The following KIRREL3 variants were observed in gnomAD, a reference collection of about 807,000 sequenced individuals.
KIRREL3 encodes kin of IRRE-like protein 3.
KIRREL3 carries 36 observed loss-of-function variants against 89.7 expected under a neutral mutation model. The ratio of observed to expected loss-of-function variants is 0.40; its 90% confidence interval spans 0.31 to 0.53. The LOEUF (loss-of-function observed/expected upper bound fraction) is 0.53, where lower values mean the gene tolerates loss of function less well. KIRREL3 is among the 20% of genes least tolerant of loss of function. The probability of loss-of-function intolerance (pLI) is 0.49; values close to 1 mark genes in which losing one functional copy is unlikely to be tolerated. For synonymous variants in KIRREL3, 445 were observed against 441.4 expected, an observed-to-expected ratio of 1.01 and a Z score of -0.10; for missense variants, 864 against 1,056.6, an observed-to-expected ratio of 0.82 and a Z score of 2.53.
intron 4 of KIRREL3, among the ~76,000 whole-genome samples, chr11:126,483,122 C>T (rs1005305533): frequency 6.6e-6 from 1 of 152,176 alleles, no homozygotes; most frequent in South Asian, 2.1e-4. Context: ...GGGATCCTGC[C>T]CTATACTCAG....
Position 126,618,306 on chromosome 11 carries a change from C to T in KIRREL3, c.56-55394G>A, listed in dbSNP as rs552391764. Among the ~76,000 whole-genome samples, 5 of 152,344 alleles carry T rather than the reference C, an allele frequency of 3.3e-5. No individual in the cohort carries two copies. The South Asian group carries it at 1.0e-3, about 32-fold the overall frequency. On this transcript the variant is annotated intron_variant, in intron 1 of 16. Transcript: ENST00000525144. ...CATGATCCAAACCATATTAGTGAGC[C>T]AAACTCTACCTTTTAGCTCTGAGAT...
chr11:126,996,809 C>G lies in KIRREL3; in HGVS notation c.55+3646G>C, dbSNP rs1441361114. ...AGGTAAATGCAAGTTTTCACTTTTA[C>G]CCCAATACAGTACAGTGTGCATGCA... On this transcript the variant is annotated intron_variant, in intron 1 of 16. Transcript: ENST00000525144. This position sits in a 1 kb window ranked among gnomAD's most constrained non-coding sequence, Gnocchi z 4.7. Among the ~76,000 whole-genome samples the G allele has an allele frequency of 6.6e-6, 1 of 152,176 alleles. No homozygotes were observed. The highest frequency in any genetic ancestry group is 2.4e-5 in the African/African-American group (1 of 41,430).
rs998810802 is a variant in KIRREL3, at chr11:126,550,848, G to T, written c.133+11987C>A. Reference sequence around the variant, plus strand: ...GGTGGGAGCAGCGGACACCAGCTGGGTGTCCTCCAATTCAATTCTGACACT... The same window carrying T: ...GGTGGGAGCAGCGGACACCAGCTGGTTGTCCTCCAATTCAATTCTGACACT... On this transcript the variant is annotated intron_variant, in intron 2 of 16. Transcript: ENST00000525144. The surrounding 1 kb of genome is among the most constrained non-coding windows in gnomAD (Gnocchi z 4.9). 5.9e-5 allele frequency among the ~76,000 whole-genome samples: 9 copies of T among 152,230 alleles called. No individual in the cohort carries two copies. The highest frequency in any genetic ancestry group is 4.6e-4 in the Admixed American group (7 of 15,304).
intron 2 of KIRREL3, among the ~76,000 whole-genome samples, chr11:126,554,822 C>T (rs1043948832): frequency 1.3e-5 from 2 of 152,124 alleles, no homozygotes; most frequent in Non-Finnish European, 1.5e-5. Flanking sequence ...CTGCCACATC[C>T]CTATCCTGTG....
intron 1 of KIRREL3, among the ~76,000 whole-genome samples, chr11:126,733,551 T>A (rs931260536): frequency 6.6e-6 from 1 of 151,984 alleles, no homozygotes; most frequent in Non-Finnish European, 1.5e-5. Flanking sequence ...CCATTATACT[T>A]CCATAATCAT....
At chr11:126,853,994 C>T (rs1032115682) in intron 1 of KIRREL3, among the ~76,000 whole-genome samples, 3 of 152,108 alleles carry the variant, frequency 2.0e-5, no homozygotes, top group African/African-American at 7.2e-5. Flanking sequence ...TGAATCATCT[C>T]ATGGGAGTCT....
intron 1 of KIRREL3, among the ~76,000 whole-genome samples, chr11:126,616,314 T>G (rs1161304362): frequency 3.3e-5 from 5 of 152,124 alleles, no homozygotes; most frequent in Non-Finnish European, 7.4e-5. Context: ...TTCGTGGGAA[T>G]GGTGATTCCT....
intron 1 of KIRREL3, among the ~76,000 whole-genome samples, chr11:126,693,937 C>T (rs1946984454): frequency 6.6e-6 from 1 of 152,220 alleles, no homozygotes; most frequent in Admixed American, 6.5e-5. Context: ...CCTGTCTGCC[C>T]ACCTTGTCTT....
intron 1 of KIRREL3, among the ~76,000 whole-genome samples, chr11:126,691,437 G>C (rs1946875115): frequency 6.6e-6 from 1 of 152,138 alleles, no homozygotes; most frequent in Non-Finnish European, 1.5e-5. Context: ...CTATTTAATG[G>C]AATAATAAAC....
At chr11:126,545,350 CG>C (rs1188692175) in intron 2 of KIRREL3, among the ~76,000 whole-genome samples, 1 of 152,092 alleles carries the variant, frequency 6.6e-6, no homozygotes, top group Non-Finnish European at 1.5e-5. Context: ...CTATCTGGAT[CG>C]GGGAGACATG....
chr11:126,580,372 T>C (rs1167634634), intron 1 of KIRREL3, among the ~76,000 whole-genome samples: 1 of 152,088 alleles, frequency 6.6e-6, no homozygotes, highest in Non-Finnish European at 1.5e-5. Context: ...TGGACTATAC[T>C]GGGCCACCTA....
chr11:126,896,388 T>C lies in KIRREL3; in HGVS notation c.55+104067A>G, dbSNP rs1592304071. 6.6e-6 allele frequency among the ~76,000 whole-genome samples: 1 copy of C among 152,234 alleles called. No homozygotes were observed. Among genetic ancestry groups the C allele is most frequent in the South Asian group, 2.1e-4 (1 of 4,834 alleles). ...CTCTGACTCCTCTCCACATTTGACC[T>C]TGGTCTCTGAGATGCTCTTTGTGGC... On this transcript the variant is annotated intron_variant, in intron 1 of 16. Transcript: ENST00000525144. The surrounding 1 kb of genome is among the most constrained non-coding windows in gnomAD (Gnocchi z 4.1).
At position 126,437,098 on chromosome 11, in the gene KIRREL3, A is replaced by C; in HGVS notation, c.1354-89T>G. On this transcript the variant is annotated intron_variant, in intron 11 of 16. Coordinates refer to ENST00000525144, the MANE Select transcript of KIRREL3 (RefSeq NM_032531.4). ...GAGTCACAGTGCCACTGTCCTGCTC[A>C]TGTTCATGCTCACTGCCACACACTA... The C allele has an allele frequency of 3.2e-6, 4 of 1,231,100 alleles. No homozygotes were observed. In the South Asian group the frequency reaches 6.7e-5, roughly 21 times the overall value. The allele number at this position is 1,231,100 out of a possible 1,614,324, so 76.3% of individuals were successfully genotyped here.
rs148432809 is a variant in KIRREL3, at chr11:126,824,461, C to T, written c.55+175994G>A. ...AAACAACTCACCCAACGTCACACAT[C>T]TAGCTGTGGCTGAGACAGGTCTCAA... On this transcript the variant is annotated intron_variant, in intron 1 of 16. Transcript: ENST00000525144. Among the ~76,000 whole-genome samples the T allele has an allele frequency of 6.6e-5, 10 of 152,352 alleles. No individual in the cohort carries two copies. In the East Asian group the frequency reaches 1.9e-3, roughly 29 times the overall value.
In KIRREL3 at chr11:126,614,742, G is replaced by A. The variant is rs533542177; in HGVS notation, c.56-51830C>T. On this transcript the variant is annotated intron_variant, in intron 1 of 16. Transcript: ENST00000525144. This position sits in a 1 kb window ranked among gnomAD's most constrained non-coding sequence, Gnocchi z 4.6. ...GCCGCAATCACAGGATTGTGATTCT[G>A]TGCTGGGGTTCGAGGTGTCTCCGCT... Among the ~76,000 whole-genome samples the A allele has an allele frequency of 5.3e-5, 8 of 152,314 alleles. No homozygotes were observed. Among genetic ancestry groups the A allele is most frequent in the African/African-American group, 1.9e-4 (8 of 41,562 alleles).
At chr11:126,543,785 C>T (rs1256374715) in intron 2 of KIRREL3, among the ~76,000 whole-genome samples, 2 of 152,232 alleles carry the variant, frequency 1.3e-5, no homozygotes, top group Non-Finnish European at 2.9e-5. Flanking sequence ...TAATCCTAAT[C>T]CTGTGTGGCC....
chr11:126,593,169 T>C (rs1159024835), intron 1 of KIRREL3, among the ~76,000 whole-genome samples: 1 of 152,210 alleles, frequency 6.6e-6, no homozygotes, highest in African/African-American at 2.4e-5. Context: ...AGGTCACCCC[T>C]GTGTGGATAC....
intron 1 of KIRREL3, among the ~76,000 whole-genome samples, chr11:126,692,471 T>G (rs936204374): frequency 1.5e-5 from 2 of 131,820 alleles, no homozygotes; most frequent in African/African-American, 5.9e-5. Context: ...CTTGAACCCA[T>G]GAGGCGGAGG....
At position 126,590,116 on chromosome 11, in the gene KIRREL3, C is replaced by A. The variant is rs181610183; in HGVS notation, c.56-27204G>T. On this transcript the variant is annotated intron_variant, in intron 1 of 16. Coordinates refer to ENST00000525144, the MANE Select transcript of KIRREL3 (RefSeq NM_032531.4). ...CCCAGGAACCAGATTCTGAGGGCTG[C>A]ATACCTAACCATTATACAGGCCTGC... 3.1e-3 allele frequency among the ~76,000 whole-genome samples: 478 copies of A among 152,344 alleles called. 2 individuals are homozygous for A. The highest frequency in any genetic ancestry group is 0.01 in the Middle Eastern group (3 of 294).
Sources: allele counts gnomAD v4.1 joint callset (sites outside exome capture counted in the v4.1 genomes callset), GRCh38; gene constraint gnomAD v4.1.1; non-coding constraint Gnocchi (gnomAD v3.1); transcripts MANE v1.5; gene names NCBI Gene and HGNC (gene_info 2026-07-23, HGNC 2026-07-21).